Variants in PTPRN2 observed in about 807,000 individuals in gnomAD.
The protein encoded by PTPRN2 is receptor-type tyrosine-protein phosphatase N2.
A neutral mutation model predicts 118.8 loss-of-function variants in PTPRN2; 74 were observed. That is an observed-to-expected ratio of 0.62 (90% CI 0.52 to 0.76). The LOEUF is 0.76. Ranked by LOEUF, PTPRN2 falls within the 30% of genes least tolerant of loss-of-function variation. The pLI, the probability that PTPRN2 is intolerant of heterozygous loss-of-function variation, is 0.00. For missense variants in PTPRN2, 1,481 were observed against 1,394.4 expected, an observed-to-expected ratio of 1.06 and a Z score of -0.99; for synonymous variants, 641 against 608.0, an observed-to-expected ratio of 1.05 and a Z score of -0.80.
chr7:158,548,938 T>A (rs1197403265), intron 1 of PTPRN2, among the ~76,000 whole-genome samples: 9 of 152,132 alleles, frequency 5.9e-5, no homozygotes, highest in Non-Finnish European at 1.2e-4. Context: ...CTGCCACCCA[T>A]CTCCTCCTTG....
chr7:158,474,404 T>C (rs144222753), intron 2 of PTPRN2, among the ~76,000 whole-genome samples: 548 of 152,370 alleles, frequency 3.6e-3, no homozygotes, highest in Non-Finnish European at 6.5e-3. Context: ...ATGAGTTTCA[T>C]CTACTAAACA....
At position 157,571,456 on chromosome 7, in the gene PTPRN2, T is replaced by C; in HGVS notation, c.2821A>G (p.Ile941Val). 1.2e-6 allele frequency: 2 copies of C among 1,610,206 alleles called. No individual in the cohort carries two copies. The highest frequency in any genetic ancestry group is 8.5e-7 in the Non-Finnish European group (1 of 1,178,192). The change falls in exon 20 of 23, where the codon ATA becomes GTA. Residue 941 changes from isoleucine (I) to valine (V), a missense_variant. Physicochemically the swap from Ile to Val is conservative, Grantham distance 29. Transcript: ENST00000389418. ...TGTACTTGCCTGCAATGAACAATTA[T>C]TGGACAAGAACGGCCCCTGTAGCAC... ...NKCYRGRSCP[I>V]IVHCSDGAGR...
intron 11 of PTPRN2, among the ~76,000 whole-genome samples, chr7:157,917,451 C>G (rs952594237): frequency 6.6e-6 from 1 of 152,154 alleles, no homozygotes; most frequent in Non-Finnish European, 1.5e-5. Flanking sequence ...CTCTCATCTG[C>G]GGGTCTCCTG....
chr7:157,719,344 G>A (rs1563034959), intron 12 of PTPRN2, among the ~76,000 whole-genome samples: 1 of 152,256 alleles, frequency 6.6e-6, no homozygotes, highest in Admixed American at 6.5e-5. Context: ...GGGACCCTGA[G>A]GCCTTCTCTC....
intron 12 of PTPRN2, among the ~76,000 whole-genome samples, chr7:157,890,073 GT>G (rs200464420): frequency 1.1e-3 from 162 of 145,248 alleles, no homozygotes; most frequent in East Asian, 4.0e-3. Context: ...TTTTAAGTCA[GT>G]TTTTTTTTTT....
At chr7:158,500,624 G>T (rs1353346495) in intron 1 of PTPRN2, among the ~76,000 whole-genome samples, 1 of 152,206 alleles carries the variant, frequency 6.6e-6, no homozygotes, top group African/African-American at 2.4e-5. Flanking sequence ...GGCCACGCTG[G>T]CTTCCCAGGA....
At position 158,191,858 on chromosome 7, in the gene PTPRN2, G is replaced by A. The variant is rs181870383; in HGVS notation, c.549+469C>T. ...TTACGCTGCCCTGGGCTGCCCCCGG[G>A]GCAGGCTTGCCGGGGAGCAGGAGCT... On this transcript the variant is annotated intron_variant, in intron 5 of 22. Coordinates refer to ENST00000389418, the MANE Select transcript of PTPRN2 (RefSeq NM_002847.5). 3.5e-3 allele frequency among the ~76,000 whole-genome samples: 540 copies of A among 152,204 alleles called. 2 individuals carry two copies. Among genetic ancestry groups the A allele is most frequent in the African/African-American group, 0.012 (514 of 41,562 alleles).
intron 21 of PTPRN2, among the ~76,000 whole-genome samples, chr7:157,568,249 T>C (rs55883116): frequency 0.042 from 6,348 of 152,232 alleles, 281 homozygotes; most frequent in East Asian, 0.14. Context: ...CCACGCCGTC[T>C]GCGCATGCTG....
intron 3 of PTPRN2, among the ~76,000 whole-genome samples, chr7:158,311,803 A>C (rs1801762670): frequency 6.6e-6 from 1 of 152,224 alleles, no homozygotes. Context: ...GCATATGAAC[A>C]TGCTCACGTG....
At chr7:158,402,514 C>T (rs1416485393) in intron 2 of PTPRN2, among the ~76,000 whole-genome samples, 1 of 152,222 alleles carries the variant, frequency 6.6e-6, no homozygotes, top group African/African-American at 2.4e-5. Flanking sequence ...GGAGACAAGA[C>T]TCTGCTGTGC....
intron 12 of PTPRN2, among the ~76,000 whole-genome samples, chr7:157,872,519 T>C (rs1811171346): frequency 6.6e-6 from 1 of 152,132 alleles, no homozygotes; most frequent in African/African-American, 2.4e-5. Context: ...GCATATCCAG[T>C]GCCTCCGCAC....
intron 12 of PTPRN2, among the ~76,000 whole-genome samples, chr7:157,725,267 ACC>A (rs1799480679): frequency 7.5e-6 from 1 of 134,070 alleles, no homozygotes; most frequent in Non-Finnish European, 1.5e-5. Flanking sequence ...AGTGAGCCAG[ACC>A]CTGGCCTCCC....
rs370160054 is a variant in PTPRN2 at position 158,422,816 on chromosome 7, G to A, written c.163+66919C>T. ...CTGCCGGCTTCTGGGGCCACCATTC[G>A]GACATGGTCTCAATAATCTTCCCGA... On this transcript the variant is annotated intron_variant, in intron 2 of 22. Coordinates refer to ENST00000389418, the MANE Select transcript of PTPRN2 (RefSeq NM_002847.5). Among the ~76,000 whole-genome samples, 6 of 152,334 alleles carry A rather than the reference G, an allele frequency of 3.9e-5. No homozygotes were observed. In the South Asian group the frequency reaches 8.3e-4, roughly 21 times the overall value.
intron 5 of PTPRN2, among the ~76,000 whole-genome samples, chr7:158,167,763 T>A (rs918143321): frequency 2.0e-5 from 3 of 152,210 alleles, no homozygotes; most frequent in African/African-American, 7.2e-5. Flanking sequence ...ATGTGTGGCA[T>A]CTGTGCCTGG....
At position 158,565,055 on chromosome 7, in the gene PTPRN2, G is replaced by A. The variant is rs991993574; in HGVS notation, c.112+22503C>T. Among the ~76,000 whole-genome samples the A allele has an allele frequency of 6.6e-5, 10 of 152,176 alleles. 1 individual carries two copies. The highest frequency in any genetic ancestry group is 6.5e-4 in the Admixed American group (10 of 15,278). On this transcript the variant is annotated intron_variant, in intron 1 of 22. Coordinates refer to ENST00000389418, the MANE Select transcript of PTPRN2 (RefSeq NM_002847.5). This position sits in a 1 kb window ranked among gnomAD's most constrained non-coding sequence, Gnocchi z 4.6. ...CATCCCAGCCATGCATGGACCCAGG[G>A]ATGCTGACACCATTCAGAAAATTGT...
intron 12 of PTPRN2, among the ~76,000 whole-genome samples, chr7:157,733,463 T>C (rs1470922147): frequency 3.1e-4 from 11 of 35,744 alleles, no homozygotes; most frequent in South Asian, 1.2e-3. Flanking sequence ...GTTACTCTTT[T>C]CCGCCCCATG....
intron 14 of PTPRN2, among the ~76,000 whole-genome samples, chr7:157,654,834 T>G (rs1805964060): frequency 6.6e-6 from 1 of 152,218 alleles, no homozygotes; most frequent in Admixed American, 6.5e-5. Context: ...CAGAACACAA[T>G]GAGAGCTCGC....
chr7:157,561,215 GC>G (rs921193985), intron 21 of PTPRN2, among the ~76,000 whole-genome samples: 11 of 150,032 alleles, frequency 7.3e-5, no homozygotes, highest in African/African-American at 2.7e-4. Context: ...CATCCCTTCG[GC>G]CCCCGGGTCC....
At chr7:158,390,336 G>C (rs147189466) in intron 2 of PTPRN2, among the ~76,000 whole-genome samples, 1 of 152,226 alleles carries the variant, frequency 6.6e-6, no homozygotes. Flanking sequence ...CCCATGCAGC[G>C]AGTGGCACTA....
Sources: allele counts gnomAD v4.1 joint callset (sites outside exome capture counted in the v4.1 genomes callset), GRCh38; gene constraint gnomAD v4.1.1; non-coding constraint Gnocchi (gnomAD v3.1); transcripts MANE v1.5; gene names NCBI Gene and HGNC (gene_info 2026-07-23, HGNC 2026-07-21).